Variants in TAF2 observed in about 807,000 individuals in gnomAD.
The protein encoded by TAF2 is transcription initiation factor TFIID subunit 2.
TAF2 carries 61 observed loss-of-function variants against 138.5 expected under a neutral mutation model. The observed-to-expected ratio is 0.44, with a 90% confidence interval of 0.36 to 0.54. The LOEUF is 0.54. TAF2 is among the 20% of genes least tolerant of loss of function. The pLI, the probability that TAF2 is intolerant of heterozygous loss-of-function variation, is 0.00. For synonymous variants in TAF2, 475 were observed against 469.9 expected (o/e 1.01, Z -0.14); for missense variants, 1,090 against 1,427.9 (o/e 0.76, Z 3.81).
At chr8:119,804,875 T>C (rs944877791) in intron 4 of TAF2, among the ~76,000 whole-genome samples, 2 of 152,160 alleles carry the variant, frequency 1.3e-5, no homozygotes, top group African/African-American at 4.8e-5. Context: ...ACGTTTTTTG[T>C]TATGCTTGAT....
intron 6 of TAF2, among the ~76,000 whole-genome samples, chr8:119,800,656 T>C (rs185446800): frequency 1.3e-5 from 2 of 152,318 alleles, no homozygotes; most frequent in East Asian, 1.9e-4. Context: ...AAAAGAGTCA[T>C]TGTTAAGACA....
chr8:119,758,207 C>T lies in TAF2; in HGVS notation c.2699-65G>A, dbSNP rs113998740. 1,761 of 1,360,212 alleles carry T rather than the reference C, an allele frequency of 1.3e-3. 21 individuals carry two copies. The African/African-American group carries it at 0.023, about 18-fold the overall frequency. The allele number at this position is 1,360,212 out of a possible 1,614,324, so 84.3% of individuals were successfully genotyped here. A position where few individuals can be genotyped will look rare whatever the true frequency, so the allele number is the denominator to read the frequency against. On this transcript the variant is annotated intron_variant, in intron 20 of 25. Transcript: ENST00000378164. ...AAATTAAATAATGAATAATGAGTGA[C>T]AAGCAGGGAGTTTACATTTAATATT...
At chr8:119,804,600 G>C (rs1824490666) in intron 4 of TAF2, among the ~76,000 whole-genome samples, 1 of 152,148 alleles carries the variant, frequency 6.6e-6, no homozygotes, top group Non-Finnish European at 1.5e-5. Context: ...GCAGCCATCT[G>C]CATAAGACAT....
chr8:119,824,162 G>A (rs574063930), intron 2 of TAF2, among the ~76,000 whole-genome samples: 9 of 152,170 alleles, frequency 5.9e-5, no homozygotes, highest in Non-Finnish European at 1.2e-4. Context: ...CGGGCATGGC[G>A]GCTCACACCT....
intron 10 of TAF2, chr8:119,791,702 CA>C (rs1823441706): frequency 2.3e-6 from 1 of 430,332 alleles, no homozygotes. Context: ...TGGGAAGATA[CA>C]ATACTGTAAA....
intron 2 of TAF2, among the ~76,000 whole-genome samples, chr8:119,827,353 C>A (rs1179474245): frequency 6.6e-6 from 1 of 152,182 alleles, no homozygotes; most frequent in Non-Finnish European, 1.5e-5. Context: ...TCCCAAATTT[C>A]TCTCACCATC....
chr8:119,749,987 T>C lies in TAF2; in HGVS notation c.2879-3053A>G, dbSNP rs529589445. 2.6e-4 allele frequency among the ~76,000 whole-genome samples: 39 copies of C among 152,314 alleles called. No homozygotes were observed. In the South Asian group the frequency reaches 7.7e-3, roughly 30 times the overall value. On this transcript the variant is annotated intron_variant, in intron 22 of 25. Transcript: ENST00000378164. ...AGAAGTAGGAAACCCAGTATTAATG[T>C]TGTCTGTTCAAATCAGAAAGTGCCT...
chr8:119,806,277 C>A lies in TAF2; in HGVS notation c.418+6G>T, dbSNP rs1395124217. On this transcript the variant is annotated splice_donor_region_variant and intron_variant, in intron 4 of 25. Transcript: ENST00000378164. ...GTGTACAGTCAATATACTCTTGGTG[C>A]TTTACCATCAACGTGTTTCCATAGC... The A allele has an allele frequency of 3.7e-6, 6 of 1,609,834 alleles. No individual in the cohort carries two copies. Among genetic ancestry groups the A allele is most frequent in the Admixed American group, 3.3e-5 (2 of 59,988 alleles).
At position 119,794,024 on chromosome 8, in the gene TAF2, C is replaced by A. The variant is rs190240927; in HGVS notation, c.1192-573G>T. Among the ~76,000 whole-genome samples, 25 of 151,958 alleles carry A rather than the reference C, an allele frequency of 1.6e-4. 1 individual carries two copies. The East Asian group carries it at 2.1e-3, about 13-fold the overall frequency. ...CTTACTGCAGCCTTGACTTCCTGGG[C>A]TTAGGTGATCCTCCCACCTCAGCCC... is the stretch of plus-strand genomic sequence containing the variant. On this transcript the variant is annotated intron_variant, in intron 9 of 25. Coordinates refer to ENST00000378164, the MANE Select transcript of TAF2 (RefSeq NM_003184.4).
chr8:119,788,255 T>A, intron 14 of TAF2, 83 bp downstream of exon 14: 2 of 1,236,264 alleles, frequency 1.6e-6, no homozygotes, highest in Non-Finnish European at 2.4e-6. Flanking sequence ...AAATTAGGTA[T>A]ACAAGAGAAT....
intron 9 of TAF2, 40 bp downstream of exon 9, chr8:119,795,492 A>C (rs370009807): frequency 1.3e-6 from 2 of 1,519,188 alleles, no homozygotes; most frequent in East Asian, 2.3e-5. Context: ...AATGGAGGAC[A>C]TAAGACTTGT....
At position 119,780,956 on chromosome 8, in the gene TAF2, T is replaced by C. The variant is rs929983294; in HGVS notation, c.2253+97A>G. 5 of 1,089,312 alleles carry C rather than the reference T, an allele frequency of 4.6e-6. No individual in the cohort carries two copies. In the African/African-American group the frequency reaches 6.8e-5, roughly 15 times the overall value. 67.5% of individuals were successfully genotyped at this position (1,089,312 alleles called of 1,614,324 possible). On this transcript the variant is annotated intron_variant, in intron 17 of 25. Transcript: ENST00000378164. ...TCTCAAAAAAAAAAAAAAAAAAGAA[T>C]GGAGGCAAAGAAAGTAAACACATCT...
At chr8:119,755,881 A>G in intron 22 of TAF2, 125 bp downstream of exon 22, 1 of 724,692 alleles carries the variant, frequency 1.4e-6, no homozygotes, top group Non-Finnish European at 2.3e-6. Context: ...GTGATAGTCT[A>G]CTTAAAAGAA....
rs1818879303 is a variant in TAF2, at chr8:119,731,562, T to C, written c.*362A>G. On this transcript the variant is annotated 3_prime_UTR_variant, in exon 26 of 26. Coordinates refer to ENST00000378164, the MANE Select transcript of TAF2 (RefSeq NM_003184.4). ...CTGTGTAAATCATAACTTTGCCCCA[T>C]AACATCCACCAAAGGCTTTCAAACA... 4 of 282,362 alleles carry C rather than the reference T, an allele frequency of 1.4e-5. No homozygotes were observed. Among genetic ancestry groups the C allele is most frequent in the African/African-American group, 6.6e-5 (3 of 45,686 alleles). The allele number at this position is 282,362 out of a possible 1,614,324, so 17.5% of individuals were successfully genotyped here.
Position 119,760,721 on chromosome 8 carries a change from C to G in TAF2, c.2576G>C (p.Arg859Pro). Reference protein sequence around the residue: ...TITVSCLRAIRVLQKNGHVPS... With the variant: ...TITVSCLRAIPVLQKNGHVPS... ...CACATGTCCGTTCTTCTGAAGTACC[C>G]GTATGGCTCTCAAACAACTAGGGAA... The change falls in exon 20 of 26, where the codon CGG (arginine) becomes CCG (proline). Residue 859 changes from arginine (R) to proline (P), a missense_variant. Transcript: ENST00000378164. 1 of 1,613,862 alleles carries G rather than the reference C, an allele frequency of 6.2e-7. No homozygotes were observed. Among genetic ancestry groups the G allele is most frequent in the Non-Finnish European group, 8.5e-7 (1 of 1,179,912 alleles).
At chr8:119,743,227 G>T (rs1819724627) in intron 24 of TAF2, among the ~76,000 whole-genome samples, 2 of 151,788 alleles carry the variant, frequency 1.3e-5, no homozygotes, top group Admixed American at 1.3e-4. Flanking sequence ...ATACCAATAA[G>T]AATTTTAGAA....
At chr8:119,824,670 G>C (rs2131266176) in intron 2 of TAF2, among the ~76,000 whole-genome samples, 1 of 152,304 alleles carries the variant, frequency 6.6e-6, no homozygotes, top group Non-Finnish European at 1.5e-5. Flanking sequence ...GCAGCCTAGG[G>C]ACTTGATGCC....
intron 2 of TAF2, among the ~76,000 whole-genome samples, chr8:119,822,560 C>G (rs973388150): frequency 2.0e-5 from 3 of 152,276 alleles, no homozygotes; most frequent in African/African-American, 7.2e-5. Context: ...TGCCATCACT[C>G]TAAGTGACTT....
intron 15 of TAF2, 122 bp downstream of exon 15, chr8:119,785,079 A>G: frequency 1.4e-6 from 1 of 732,216 alleles, no homozygotes. Flanking sequence ...TTTCTATTAA[A>G]TTAAAATAAT....
Sources: allele counts gnomAD v4.1 joint callset (sites outside exome capture counted in the v4.1 genomes callset), GRCh38; gene constraint gnomAD v4.1.1; transcripts MANE v1.5; gene names NCBI Gene and HGNC (gene_info 2026-07-23, HGNC 2026-07-21).